The following NFKBIZ variants were observed in gnomAD, a reference collection of about 807,000 sequenced individuals.
The protein encoded by NFKBIZ is NFKB inhibitor zeta.
Under a neutral mutation model 76.8 loss-of-function variants are expected in NFKBIZ, and 19 were observed. The ratio of observed to expected loss-of-function variants is 0.25; its 90% CI spans 0.17 to 0.36. The LOEUF is 0.36. Ranked by LOEUF, NFKBIZ falls within the 10% of genes least tolerant of loss-of-function variation. The pLI, the probability that NFKBIZ is intolerant of heterozygous loss-of-function variation, is 1.00. For synonymous variants in NFKBIZ, 368 were observed against 354.8 expected (o/e 1.04, Z -0.42); for missense variants, 829 against 910.9 (o/e 0.91, Z 1.16).
chr3:101,831,798 G>A (rs1008357501), intron 2 of NFKBIZ, among the ~76,000 whole-genome samples: 5 of 151,890 alleles, frequency 3.3e-5, no homozygotes, highest in African/African-American at 7.3e-5. Context: ...ATGCCACCAC[G>A]CCCAACTAAT....
intron 1 of NFKBIZ, among the ~76,000 whole-genome samples, chr3:101,850,691 G>A (rs1449674127): frequency 1.3e-5 from 2 of 152,186 alleles, no homozygotes; most frequent in East Asian, 1.9e-4. Flanking sequence ...TGAACGTTGA[G>A]AGTAATTAGC....
intron 2 of NFKBIZ, among the ~76,000 whole-genome samples, chr3:101,830,358 G>C (rs1447661593): frequency 6.6e-6 from 1 of 152,076 alleles, no homozygotes; most frequent in Non-Finnish European, 1.5e-5. Flanking sequence ...TTTAGATTCA[G>C]GGGGTGCATG....
Position 101,853,661 on chromosome 3 carries a change from A to G in NFKBIZ, c.1135A>G (p.Ser379Gly), listed in dbSNP as rs753768203. ...AHLHSFSMMP[S>G]SACEAMVGHE... ...CTTGCACAGCTTCAGCATGATGCCC[A>G]GCAGCGCCTGTGAGGCCATGGTGGG... The change falls in exon 5 of 12, where the codon AGC becomes GGC. Residue 379 changes from serine (S) to glycine (G), a missense_variant. Physicochemically the swap from Ser to Gly is moderately conservative, Grantham distance 56. Coordinates refer to ENST00000326172, the MANE Select transcript of NFKBIZ (RefSeq NM_031419.4). 4 of 1,614,272 alleles carry G rather than the reference A, an allele frequency of 2.5e-6. No individual in the cohort carries two copies. In the African/African-American group the frequency reaches 4.0e-5, roughly 16 times the overall value.
intron 11 of NFKBIZ, 76 bp downstream of exon 11, chr3:101,857,535 G>C: frequency 6.3e-7 from 1 of 1,585,316 alleles, no homozygotes; most frequent in South Asian, 1.2e-5. Flanking sequence ...AGGCTGTGCA[G>C]GGCGAAGGCC....
intron 2 of NFKBIZ, among the ~76,000 whole-genome samples, chr3:101,834,006 T>C (rs1324334284): frequency 6.6e-6 from 1 of 152,202 alleles, no homozygotes; most frequent in Non-Finnish European, 1.5e-5. Flanking sequence ...AAATAACCTT[T>C]AAGAAGGGTT....
Position 101,849,540 on chromosome 3 carries a change from G to A in NFKBIZ, c.-89G>A. ...TACTGGCCCGCGCCGTCCGCCCGCC[G>A]ACAGCTCCCTGAGCCAGCCCGGGAG... On this transcript the variant is annotated 5_prime_UTR_variant, in exon 1 of 12. Coordinates refer to ENST00000326172, the MANE Select transcript of NFKBIZ (RefSeq NM_031419.4). 1.7e-6 allele frequency: 2 copies of A among 1,172,288 alleles called. No homozygotes were observed. The highest frequency in any genetic ancestry group is 3.3e-5 in the East Asian group (1 of 30,254). The allele number at this position is 1,172,288 out of a possible 1,614,324, so 72.6% of individuals were successfully genotyped here. A position where few individuals can be genotyped will look rare whatever the true frequency, so the allele number is the denominator to read the frequency against.
upstream of NFKBIZ, among the ~76,000 whole-genome samples, chr3:101,846,797 T>C (rs1453721532): frequency 1.3e-5 from 2 of 152,192 alleles, no homozygotes; most frequent in Admixed American, 6.5e-5. Flanking sequence ...CATATAAATA[T>C]GTAGAAAGAG....
chr3:101,857,187 C>CTTTTAGA lies in NFKBIZ; in HGVS notation c.1935+4_1935+5insTTTTAGA. The CTTTTAGA allele has an allele frequency of 6.2e-7, 1 of 1,608,164 alleles. No individual in the cohort carries two copies. The highest frequency in any genetic ancestry group is 8.5e-7 in the Non-Finnish European group (1 of 1,175,062). ...CCTGTCTTTTGTGAATGCAAAGGTA[C>CTTTTAGA]ACCAGAGTTGGAATGGCCTTCTGTA... On this transcript the variant is annotated splice_donor_region_variant and intron_variant, in intron 10 of 11. Coordinates refer to ENST00000326172, the MANE Select transcript of NFKBIZ (RefSeq NM_031419.4).
At chr3:101,850,666 A>T in intron 1 of NFKBIZ, among the ~76,000 whole-genome samples, 1 of 152,220 alleles carries the variant, frequency 6.6e-6, no homozygotes, top group East Asian at 1.9e-4. Flanking sequence ...TAGGCTAGAA[A>T]AACGCCTCGA....
chr3:101,854,598 C>A lies in NFKBIZ; in HGVS notation c.1358C>A (p.Ala453Asp). ...DGDTFLHIAV[A>D]QGRRALSYVL... ...CCCAGGTTCCTTCATATTGCTGTTGCCCAAGGGAGAAGGGCACTTTCCTAT... is the reference window on the plus strand; with the variant it reads ...CCCAGGTTCCTTCATATTGCTGTTGACCAAGGGAGAAGGGCACTTTCCTAT... The change falls in exon 6 of 12, where the codon GCC becomes GAC. Residue 453 changes from alanine (A) to aspartate (D), a missense_variant. This residue lies in a region of NFKBIZ where 272 missense variants were observed against 384.2 expected (regional missense o/e 0.71). Transcript: ENST00000326172. The A allele has an allele frequency of 6.2e-7, 1 of 1,612,438 alleles. No homozygotes were observed. The highest frequency in any genetic ancestry group is 8.5e-7 in the Non-Finnish European group (1 of 1,179,146).
chr3:101,856,877 CAAATT>C lies in NFKBIZ; in HGVS notation c.1825-193_1825-189del, dbSNP rs1434876091. ...TACATTGTGACAAGAGGCATATAGA[CAAATT>C]AATAGGAAATTTAAGAGGAATAAAA... is the stretch of plus-strand genomic sequence containing the variant. On this transcript the variant is annotated intron_variant, in intron 9 of 11. Coordinates refer to ENST00000326172, the MANE Select transcript of NFKBIZ (RefSeq NM_031419.4). 7.7e-6 allele frequency: 4 copies of C among 517,496 alleles called. No homozygotes were observed. The East Asian group carries it at 9.2e-5, about 12-fold the overall frequency. 32.1% of individuals were successfully genotyped at this position (517,496 alleles called of 1,614,324 possible).
intron 7 of NFKBIZ, 29 bp downstream of exon 7, chr3:101,855,237 A>G: frequency 6.2e-7 from 1 of 1,601,482 alleles, no homozygotes; most frequent in Non-Finnish European, 8.5e-7. Flanking sequence ...GGCTTCCATC[A>G]TTGCAAGGCC....
At chr3:101,842,724 TAGA>T (rs899425384) in intron 2 of NFKBIZ, among the ~76,000 whole-genome samples, 2 of 151,968 alleles carry the variant, frequency 1.3e-5, no homozygotes, top group African/African-American at 4.8e-5. Context: ...GAGGAATTCT[TAGA>T]AGAATTCCTG....
At chr3:101,849,964 A>T (rs1942924773) in intron 1 of NFKBIZ, 47 bp downstream of exon 1, 2 of 1,345,012 alleles carry the variant, frequency 1.5e-6, no homozygotes, top group East Asian at 6.2e-5. Flanking sequence ...GCGCACGCCT[A>T]GGAGGTTGGG....
At chr3:101,836,991 G>A (rs916229023) in intron 2 of NFKBIZ, among the ~76,000 whole-genome samples, 2 of 152,152 alleles carry the variant, frequency 1.3e-5, no homozygotes, top group African/African-American at 4.8e-5. Flanking sequence ...CTTGGTTTCT[G>A]TGAGGTCTCT....
At position 101,857,377 on chromosome 3, in the gene NFKBIZ, G is replaced by C. The variant is rs745692580; in HGVS notation, c.2021G>C (p.Arg674Thr). The C allele has an allele frequency of 1.9e-6, 3 of 1,614,100 alleles. No individual in the cohort carries two copies. In the African/African-American group the frequency reaches 4.0e-5, roughly 22 times the overall value. ...TQLDAVRLLM[R>T]KGADPSTRNL... ...TTAGATGCTGTCCGCCTGTTGATGAGGAAGGGAGCAGACCCAAGTACTCGG... is the reference window on the plus strand; with the variant it reads ...TTAGATGCTGTCCGCCTGTTGATGACGAAGGGAGCAGACCCAAGTACTCGG... The change falls in exon 11 of 12, where the codon AGG becomes ACG. Residue 674 changes from arginine (R) to threonine (T), a missense_variant. Arg to Thr is a moderately conservative substitution (Grantham distance 71). Transcript: ENST00000326172.
At chr3:101,852,793 T>A (rs1213569865) in intron 3 of NFKBIZ, 25 bp downstream of exon 3, 1 of 1,610,126 alleles carries the variant, frequency 6.2e-7, no homozygotes. Flanking sequence ...TATTTGTAAT[T>A]TTTTCAGGGC....
chr3:101,838,496 G>A (rs1436429197), intron 2 of NFKBIZ, among the ~76,000 whole-genome samples: 1 of 152,152 alleles, frequency 6.6e-6, no homozygotes, highest in Non-Finnish European at 1.5e-5. Flanking sequence ...TAGGTTTTGT[G>A]GGCCAAGAGA....
chr3:101,856,030 G>T, intron 9 of NFKBIZ, 128 bp downstream of exon 9: 1 of 807,416 alleles, frequency 1.2e-6, no homozygotes, highest in Non-Finnish European at 1.8e-6. Context: ...GAGTAGCAAT[G>T]TATGGGTGGT....
Sources: gnomAD v4.1 joint callset for allele counts (sites outside exome capture counted in the v4.1 genomes callset) on GRCh38, gnomAD v4.1.1 for gene constraint, gnomAD v4.1.1 regional missense constraint, MANE v1.5 for transcripts, NCBI Gene and HGNC (gene_info 2026-07-23, HGNC 2026-07-21) for gene names.